The following MAML2 variants were observed in gnomAD, a reference collection of about 807,000 sequenced individuals.
MAML2 encodes mastermind like transcriptional coactivator 2, also known as mastermind-like protein 2.
In MAML2, 22 loss-of-function variants were observed where a neutral mutation model predicts 96.1. That is an observed-to-expected ratio of 0.23 (90% CI 0.16 to 0.33). The LOEUF (loss-of-function observed/expected upper bound fraction) is 0.33, where lower values mean the gene tolerates loss of function less well. Ranked by LOEUF, MAML2 falls within the 10% of genes least tolerant of loss-of-function variation. MAML2 has a pLI of 1.00. For synonymous variants in MAML2, 561 were observed against 521.3 expected, an observed-to-expected ratio of 1.08 and a Z score of -1.04; for missense variants, 1,367 against 1,392.4, an observed-to-expected ratio of 0.98 and a Z score of 0.29.
chr11:96,215,965 A>T (rs1018281469), intron 1 of MAML2, among the ~76,000 whole-genome samples: 1 of 152,180 alleles, frequency 6.6e-6, no homozygotes, highest in South Asian at 2.1e-4. Flanking sequence ...ATTATCTAAA[A>T]GCACAGGGGA....
At chr11:96,091,764 A>G in intron 2 of MAML2, 128 bp downstream of exon 2, 1 of 1,346,254 alleles carries the variant, frequency 7.4e-7, no homozygotes, top group Non-Finnish European at 1.0e-6. Context: ...TCTTCATATG[A>G]CTCCATCAAG....
intron 1 of MAML2, among the ~76,000 whole-genome samples, chr11:96,109,293 G>A (rs1345842459): frequency 2.6e-5 from 4 of 152,164 alleles, no homozygotes; most frequent in Non-Finnish European, 4.4e-5. Context: ...TGGCTTTGAC[G>A]CCATGCAGAG....
intron 2 of MAML2, among the ~76,000 whole-genome samples, chr11:96,081,625 A>G (rs957807556): frequency 6.6e-6 from 1 of 152,218 alleles, no homozygotes; most frequent in African/African-American, 2.4e-5. Context: ...AGTTTCTACT[A>G]ATATTTAATT....
At chr11:96,060,424 C>T (rs1474143223) in intron 2 of MAML2, among the ~76,000 whole-genome samples, 4 of 151,820 alleles carry the variant, frequency 2.6e-5, no homozygotes, top group Non-Finnish European at 2.9e-5. Context: ...TACGTGGATC[C>T]GGACTTGTTA....
intron 1 of MAML2, among the ~76,000 whole-genome samples, chr11:96,180,814 C>T (rs182415164): frequency 8.5e-5 from 13 of 152,196 alleles, no homozygotes; most frequent in African/African-American, 2.9e-4. Flanking sequence ...CACCTGGGTA[C>T]AGGCGGGCTG....
intron 1 of MAML2, among the ~76,000 whole-genome samples, chr11:96,294,456 T>G (rs1364871165): frequency 6.6e-6 from 1 of 152,108 alleles, no homozygotes; most frequent in Non-Finnish European, 1.5e-5. Context: ...TTGTGAAAAT[T>G]TGCGCATTTT....
At chr11:96,028,550 T>C (rs1476040791) in intron 2 of MAML2, among the ~76,000 whole-genome samples, 3 of 152,234 alleles carry the variant, frequency 2.0e-5, no homozygotes, top group Admixed American at 6.5e-5. Context: ...TGACTGTCTT[T>C]TCACTCCTAT....
At chr11:96,191,223 T>C (rs562992987) in intron 1 of MAML2, among the ~76,000 whole-genome samples, 1 of 152,120 alleles carries the variant, frequency 6.6e-6, no homozygotes, top group Non-Finnish European at 1.5e-5. Flanking sequence ...CCCAGCACTT[T>C]GGGAGGCTGA....
chr11:96,149,435 A>G (rs1307199098), intron 1 of MAML2, among the ~76,000 whole-genome samples: 3 of 147,250 alleles, frequency 2.0e-5, no homozygotes, highest in Admixed American at 6.8e-5. Context: ...AAAAAAAATG[A>G]GAAGTTAAGT....
chr11:96,019,377 A>G (rs1858402180), intron 2 of MAML2, among the ~76,000 whole-genome samples: 1 of 152,128 alleles, frequency 6.6e-6, no homozygotes, highest in African/African-American at 2.4e-5. Flanking sequence ...TTTGAATATA[A>G]TCTCTGTAGG....
intron 1 of MAML2, among the ~76,000 whole-genome samples, chr11:96,319,687 G>A (rs973074302): frequency 6.6e-6 from 1 of 152,126 alleles, no homozygotes; most frequent in Non-Finnish European, 1.5e-5. Flanking sequence ...ATGGTTATGT[G>A]GAGGAGGAGT....
chr11:96,247,023 G>A (rs1422300466), intron 1 of MAML2, among the ~76,000 whole-genome samples: 2 of 152,008 alleles, frequency 1.3e-5, no homozygotes, highest in East Asian at 1.9e-4. Context: ...CAAAAATTGC[G>A]TGTGATCCTC....
In MAML2 at chr11:96,154,986, T is replaced by C. The variant is rs960173625; in HGVS notation, c.514-61469A>G. On this transcript the variant is annotated intron_variant, in intron 1 of 4. Transcript: ENST00000524717. ...ACTGTGCCAGACGTGTGCTGGGTCC[T>C]GATCCTCCCCGTTCTCCCAGGGAGT... Among the ~76,000 whole-genome samples, 3 of 152,182 alleles carry C rather than the reference T, an allele frequency of 2.0e-5. No homozygotes were observed. In the East Asian group the frequency reaches 5.8e-4, roughly 29 times the overall value.
chr11:96,031,509 A>T (rs1478475293), intron 2 of MAML2, among the ~76,000 whole-genome samples: 2 of 152,198 alleles, frequency 1.3e-5, no homozygotes, highest in Non-Finnish European at 2.9e-5. Flanking sequence ...AGTATTCCTT[A>T]ACATAGTTCA....
At chr11:96,197,882 T>G (rs1275018930) in intron 1 of MAML2, among the ~76,000 whole-genome samples, 2 of 151,972 alleles carry the variant, frequency 1.3e-5, no homozygotes, top group Non-Finnish European at 2.9e-5. Flanking sequence ...CCAGGTGAAG[T>G]GTAAAAGTAA....
intron 1 of MAML2, among the ~76,000 whole-genome samples, chr11:96,311,331 T>C (rs1417429969): frequency 6.6e-6 from 1 of 152,240 alleles, no homozygotes; most frequent in African/African-American, 2.4e-5. Context: ...ACTTTAGTTC[T>C]TTTGTATAAG....
chr11:96,233,536 T>C (rs1407306404), intron 1 of MAML2, among the ~76,000 whole-genome samples: 1 of 152,116 alleles, frequency 6.6e-6, no homozygotes, highest in Non-Finnish European at 1.5e-5. Context: ...GCCACCTTAG[T>C]AGCTAGGACA....
chr11:95,993,387 G>A (rs561839609), intron 2 of MAML2, among the ~76,000 whole-genome samples: 20 of 152,194 alleles, frequency 1.3e-4, no homozygotes, highest in South Asian at 6.2e-4. Flanking sequence ...GGCCAACATG[G>A]TTAAACCCCA....
chr11:96,296,914 C>T (rs903388822), intron 1 of MAML2, among the ~76,000 whole-genome samples: 7 of 152,350 alleles, frequency 4.6e-5, no homozygotes, highest in African/African-American at 1.4e-4. Context: ...AGGACAAATG[C>T]TCTGTTTGCT....
Sources: gnomAD v4.1 joint callset for allele counts (sites outside exome capture counted in the v4.1 genomes callset) on GRCh38, gnomAD v4.1.1 for gene constraint, MANE v1.5 for transcripts, NCBI Gene and HGNC (gene_info 2026-07-23, HGNC 2026-07-21) for gene names.